Variants in NUP93 observed in about 807,000 individuals in gnomAD.
NUP93 encodes the protein nuclear pore complex protein Nup93.
In NUP93, 55 loss-of-function variants were observed where a neutral mutation model predicts 107.8. That is an observed-to-expected ratio of 0.51 (90% CI 0.41 to 0.64). The LOEUF (loss-of-function observed/expected upper bound fraction) is 0.64, where lower values mean the gene tolerates loss of function less well. NUP93 is among the 30% of genes least tolerant of loss of function. NUP93 has a pLI of 0.00. For missense variants in NUP93, 937 were observed against 1,044.7 expected (o/e 0.90, Z 1.42); for synonymous variants, 390 against 397.5 (o/e 0.98, Z 0.22).
chr16:56,788,275 G>A (rs1289727980), intron 3 of NUP93, among the ~76,000 whole-genome samples: 3 of 152,192 alleles, frequency 2.0e-5, no homozygotes, highest in Admixed American at 2.0e-4. Flanking sequence ...ACATCCTGCT[G>A]CATCACGGCC....
At chr16:56,828,083 C>G (rs2099536) in intron 8 of NUP93, among the ~76,000 whole-genome samples, 65,684 of 151,424 alleles carry the variant, frequency 0.43, 14,437 homozygotes, top group East Asian at 0.61. Context: ...GATCATGCCA[C>G]TGCACTTCAG....
chr16:56,808,724 TAAATACATATATA>T (rs1169788121), intron 5 of NUP93, among the ~76,000 whole-genome samples: 59 of 29,822 alleles, frequency 2.0e-3, no homozygotes, highest in African/African-American at 0.018. Flanking sequence ...TAAATATATA[TAAATACATATATA>T]AAATACATAT....
chr16:56,787,881 A>G (rs1223449768), intron 3 of NUP93, among the ~76,000 whole-genome samples: 2 of 152,198 alleles, frequency 1.3e-5, no homozygotes, highest in East Asian at 3.9e-4. Context: ...CCATCACCTT[A>G]GCGTGACTGT....
At chr16:56,800,512 TGC>T (rs1962998067) in intron 4 of NUP93, among the ~76,000 whole-genome samples, 1 of 152,186 alleles carries the variant, frequency 6.6e-6, no homozygotes. Flanking sequence ...CATACCACAG[TGC>T]AAAATGTGTG....
At chr16:56,839,346 AATG>A (rs767267220) in intron 19 of NUP93, 172 bp from the exon 20 acceptor site, 32 of 494,624 alleles carry the variant, frequency 6.5e-5, no homozygotes, top group Middle Eastern at 5.5e-4. Context: ...TGTGTCAGGA[AATG>A]ATGATAAGAA....
In NUP93 at chr16:56,787,500, T is replaced by C. The variant is rs533604619; in HGVS notation, c.298-10976T>C. Reference sequence around the variant, plus strand: ...CTGGCAAAGCTGCTCAGCTCCTACCTGACTGACTGCGAGACACACCCTCTG... The same window carrying C: ...CTGGCAAAGCTGCTCAGCTCCTACCCGACTGACTGCGAGACACACCCTCTG... On this transcript the variant is annotated intron_variant, in intron 3 of 21. Coordinates refer to ENST00000308159, the MANE Select transcript of NUP93 (RefSeq NM_014669.5). Among the ~76,000 whole-genome samples the C allele has an allele frequency of 1.6e-4, 25 of 152,318 alleles. No homozygotes were observed. The East Asian group carries it at 3.9e-3, about 23-fold the overall frequency.
At chr16:56,750,399 A>ACTT (rs1961897334) in intron 2 of NUP93, among the ~76,000 whole-genome samples, 1 of 152,238 alleles carries the variant, frequency 6.6e-6, no homozygotes, top group African/African-American at 2.4e-5. Context: ...CTTACATGAA[A>ACTT]TAAGTTTTGA....
intron 10 of NUP93, 116 bp from the exon 11 acceptor site, chr16:56,831,726 C>T: frequency 9.5e-7 from 1 of 1,048,546 alleles, no homozygotes; most frequent in African/African-American, 1.6e-5. Context: ...TGTCTCTTAC[C>T]CCGGATGAAG....
chr16:56,808,843 T>A (rs1056981322), intron 5 of NUP93, among the ~76,000 whole-genome samples: 2 of 147,320 alleles, frequency 1.4e-5, no homozygotes, highest in Admixed American at 1.4e-4. Context: ...TATATATAAA[T>A]ACACATATAT....
At chr16:56,792,567 A>G (rs1440190833) in intron 3 of NUP93, among the ~76,000 whole-genome samples, 1 of 152,254 alleles carries the variant, frequency 6.6e-6, no homozygotes, top group African/African-American at 2.4e-5. Flanking sequence ...TTAAATCTCT[A>G]TTAAGGATAT....
intron 5 of NUP93, among the ~76,000 whole-genome samples, chr16:56,814,651 A>T (rs1963383954): frequency 6.6e-6 from 1 of 152,232 alleles, no homozygotes; most frequent in South Asian, 2.1e-4. Flanking sequence ...TCTTGGGAAC[A>T]CCATCTACTC....
chr16:56,748,614 C>T (rs1274879603), intron 2 of NUP93, among the ~76,000 whole-genome samples, 188 bp downstream of exon 2: 3 of 152,252 alleles, frequency 2.0e-5, no homozygotes, highest in East Asian at 1.9e-4. Context: ...GGTTTTCTAG[C>T]CTGTCTGCCT....
rs1963540503 is a variant in NUP93 at position 56,821,491 on chromosome 16, T to C, written c.565-13T>C. 1 of 1,569,918 alleles carries C rather than the reference T, an allele frequency of 6.4e-7. No homozygotes were observed. On this transcript the variant is annotated splice_polypyrimidine_tract_variant and intron_variant, in intron 6 of 21. Transcript: ENST00000308159. ...AGATACTTTGCCATTTACTTTGCTT[T>C]TTATCATTTCAGATTTATATCTATA... is the stretch of plus-strand genomic sequence containing the variant.
chr16:56,745,594 A>G (rs535147235), intron 1 of NUP93, among the ~76,000 whole-genome samples: 90 of 152,270 alleles, frequency 5.9e-4, no homozygotes, highest in African/African-American at 2.0e-3. Context: ...GATTCTGGAT[A>G]TATTTTGAAG....
At chr16:56,833,194 C>A in intron 12 of NUP93, 21 bp from the exon 13 acceptor site, 1 of 1,542,722 alleles carries the variant, frequency 6.5e-7, no homozygotes, top group Admixed American at 2.0e-5. Context: ...GTTTTATCTC[C>A]TCTCCTCTCC....
chr16:56,767,629 G>T (rs866374410), intron 3 of NUP93, among the ~76,000 whole-genome samples: 8 of 152,308 alleles, frequency 5.3e-5, no homozygotes, highest in Admixed American at 1.3e-4. Flanking sequence ...AACCGCCATG[G>T]AAGGTTATAT....
intron 18 of NUP93, 130 bp downstream of exon 18, chr16:56,837,856 C>A: frequency 1.6e-6 from 1 of 643,896 alleles, no homozygotes; most frequent in Non-Finnish European, 2.8e-6. Flanking sequence ...GTTCTACTAA[C>A]TCACCATGCC....
intron 3 of NUP93, among the ~76,000 whole-genome samples, chr16:56,774,638 C>T (rs1363143208): frequency 1.3e-5 from 2 of 152,194 alleles, no homozygotes; most frequent in African/African-American, 4.8e-5. Context: ...GAAATGGCTT[C>T]TCTTGGCTTT....
chr16:56,808,017 G>A (rs1210224945), intron 5 of NUP93, among the ~76,000 whole-genome samples: 4 of 144,144 alleles, frequency 2.8e-5, no homozygotes, highest in African/African-American at 7.7e-5. Flanking sequence ...AGGCAACTCC[G>A]TCTCAAAAAA....
Sources: gnomAD v4.1 joint callset for allele counts (sites outside exome capture counted in the v4.1 genomes callset) on GRCh38, gnomAD v4.1.1 for gene constraint, MANE v1.5 for transcripts, NCBI Gene and HGNC (gene_info 2026-07-23, HGNC 2026-07-21) for gene names.